The following ENAH variants were observed in gnomAD, a reference collection of about 807,000 sequenced individuals.
The protein encoded by ENAH is ENAH actin regulator, also known as protein enabled homolog.
ENAH carries 23 observed loss-of-function variants against 78.7 expected under a neutral mutation model. The observed-to-expected ratio is 0.29, with a 90% CI of 0.21 to 0.41. ENAH has a LOEUF of 0.41. Among genes scored for constraint, ENAH ranks in the 10% least tolerant of loss-of-function variants. ENAH has a pLI of 1.00. For synonymous variants in ENAH, 226 were observed against 241.0 expected, an observed-to-expected ratio of 0.94 and a Z score of 0.58; for missense variants, 544 against 691.0, an observed-to-expected ratio of 0.79 and a Z score of 2.39.
intron 1 of ENAH, among the ~76,000 whole-genome samples, chr1:225,613,473 G>T (rs2097003438): frequency 6.6e-6 from 1 of 152,042 alleles, no homozygotes; most frequent in African/African-American, 2.4e-5. Context: ...AATATTTGTT[G>T]ATTAACTTGT....
At chr1:225,625,822 A>G (rs1241290053) in intron 1 of ENAH, among the ~76,000 whole-genome samples, 1 of 152,116 alleles carries the variant, frequency 6.6e-6, no homozygotes, top group Non-Finnish European at 1.5e-5. Flanking sequence ...GGCCTCCTGT[A>G]TTTTTTAAAT....
intron 1 of ENAH, among the ~76,000 whole-genome samples, chr1:225,624,452 C>T (rs150391643): frequency 3.6e-4 from 55 of 151,994 alleles, no homozygotes; most frequent in African/African-American, 1.3e-3. Context: ...GGTGAAACCG[C>T]GTCTATACTA....
chr1:225,649,204 C>T (rs1255327388), intron 1 of ENAH, among the ~76,000 whole-genome samples: 4 of 152,060 alleles, frequency 2.6e-5, no homozygotes, highest in Admixed American at 2.0e-4. Flanking sequence ...TTCAAGGTCA[C>T]CCAGCTAGTA....
intron 12 of ENAH, among the ~76,000 whole-genome samples, chr1:225,500,063 G>A (rs1230632680): frequency 3.3e-5 from 5 of 152,090 alleles, no homozygotes; most frequent in African/African-American, 9.7e-5. Flanking sequence ...GTTTTGAAGC[G>A]TGTGGAAGTG....
At chr1:225,600,212 A>C (rs2096923666) in intron 1 of ENAH, among the ~76,000 whole-genome samples, 1 of 152,176 alleles carries the variant, frequency 6.6e-6, no homozygotes, top group Non-Finnish European at 1.5e-5. Context: ...ACTTACTCTC[A>C]AATGGTGCAC....
chr1:225,646,375 C>G (rs958264501), intron 1 of ENAH, among the ~76,000 whole-genome samples: 1 of 152,120 alleles, frequency 6.6e-6, no homozygotes, highest in African/African-American at 2.4e-5. Context: ...AATCCCCCCT[C>G]ATCTCCCCGA....
intron 1 of ENAH, among the ~76,000 whole-genome samples, chr1:225,568,036 CA>C (rs1213201270): frequency 1.3e-5 from 2 of 152,132 alleles, no homozygotes; most frequent in Admixed American, 6.5e-5. Flanking sequence ...GGCAAGATAA[CA>C]TCTTGTGCTT....
At chr1:225,653,232 A>C (rs956241025), upstream of ENAH, 1 of 134,006 alleles carries the variant, frequency 7.5e-6, no homozygotes, top group Non-Finnish European at 1.6e-5. The surrounding 1 kb of genome is among the most constrained non-coding windows in gnomAD (Gnocchi z 4.3). Flanking sequence ...GTGCGGGGGG[A>C]GGGGAGGAAA....
At chr1:225,598,716 G>C (rs1306574499) in intron 1 of ENAH, among the ~76,000 whole-genome samples, 1 of 151,888 alleles carries the variant, frequency 6.6e-6, no homozygotes, top group African/African-American at 2.4e-5. Flanking sequence ...AGGTGTAAAA[G>C]ACAAAGGAAA....
chr1:225,589,341 G>C (rs2096863981), intron 1 of ENAH, among the ~76,000 whole-genome samples: 1 of 152,008 alleles, frequency 6.6e-6, no homozygotes. Flanking sequence ...TGAACCCTAG[G>C]TAACGATATA....
chr1:225,651,972 A>C (rs1000515610), intron 1 of ENAH, among the ~76,000 whole-genome samples: 4 of 152,226 alleles, frequency 2.6e-5, no homozygotes, highest in Non-Finnish European at 4.4e-5. Context: ...TATTGAGTAC[A>C]GAGCAAAGGG....
Position 225,512,734 on chromosome 1 carries a change from G to A in ENAH, c.1365-20C>T, listed in dbSNP as rs545342773. ...CTTCTCCTACAAAGAAGGCAAATCC[G>A]ATTTTTAAAAATATTATCTGATTCA... On this transcript the variant is annotated intron_variant, in intron 8 of 13. Transcript: ENST00000366843. 19 of 1,612,092 alleles carry A rather than the reference G, an allele frequency of 1.2e-5. No individual in the cohort carries two copies. The highest frequency in any genetic ancestry group is 9.9e-5 in the South Asian group (9 of 90,530).
chr1:225,504,845 T>C (rs951628739), intron 11 of ENAH: 2 of 476,944 alleles, frequency 4.2e-6, no homozygotes, highest in African/African-American at 2.0e-5. Context: ...AACTGTGAAG[T>C]GATGGCAGAA....
intron 1 of ENAH, among the ~76,000 whole-genome samples, chr1:225,632,905 C>T (rs906161264): frequency 6.6e-6 from 1 of 152,194 alleles, no homozygotes; most frequent in African/African-American, 2.4e-5. Flanking sequence ...GGTCTAGGTG[C>T]CACTACTTAC....
chr1:225,547,799 C>T (rs2096621924), intron 3 of ENAH, among the ~76,000 whole-genome samples: 1 of 152,184 alleles, frequency 6.6e-6, no homozygotes, highest in Non-Finnish European at 1.5e-5. Context: ...TGTCTTTCCC[C>T]CTCATCTTCC....
chr1:225,552,477 C>T (rs531424043), intron 3 of ENAH, among the ~76,000 whole-genome samples: 49 of 152,240 alleles, frequency 3.2e-4, no homozygotes, highest in Admixed American at 7.9e-4. Flanking sequence ...GCTTCTACTT[C>T]CACACTAATT....
rs1289968169 is a variant in ENAH at position 225,490,085 on chromosome 1, CT to C, written c.*7689del. 1 of 152,096 alleles carries C rather than the reference CT, an allele frequency of 6.6e-6. No homozygotes were observed. The highest frequency in any genetic ancestry group is 1.9e-4 in the East Asian group (1 of 5,196). The allele number at this position is 152,096 out of a possible 1,614,324, so 9.4% of individuals were successfully genotyped here. ...GAGGTAGAAGGCTCAGAGAGAATGA[CT>C]GACTAGCCCCACAGCCTGAAAACTG... On this transcript the variant is annotated 3_prime_UTR_variant, in exon 14 of 14. Transcript: ENST00000366843.
chr1:225,622,324 C>G (rs1323031131), intron 1 of ENAH, among the ~76,000 whole-genome samples: 1 of 152,140 alleles, frequency 6.6e-6, no homozygotes, highest in East Asian at 1.9e-4. Context: ...CACTGTGACT[C>G]AAGCTTATAA....
intron 1 of ENAH, among the ~76,000 whole-genome samples, chr1:225,636,561 A>C (rs1474836046): frequency 2.0e-5 from 3 of 152,154 alleles, no homozygotes; most frequent in Non-Finnish European, 4.4e-5. Flanking sequence ...TAAAGAATAA[A>C]ATGAGGGTGC....
Sources: allele counts gnomAD v4.1 joint callset (sites outside exome capture counted in the v4.1 genomes callset), GRCh38; gene constraint gnomAD v4.1.1; non-coding constraint Gnocchi (gnomAD v3.1); transcripts MANE v1.5; gene names NCBI Gene and HGNC (gene_info 2026-07-23, HGNC 2026-07-21).